GABRA3: variants seen among roughly 807,000 people sequenced by gnomAD.
GABRA3 encodes the protein gamma-aminobutyric acid type A receptor subunit alpha3, also known as gamma-aminobutyric acid receptor subunit alpha-3.
In GABRA3, 10 loss-of-function variants were observed where a neutral mutation model predicts 30.1. The ratio of observed to expected loss-of-function variants is 0.33; its 90% CI spans 0.20 to 0.56. The LOEUF is 0.56. GABRA3 is among the 20% of genes least tolerant of loss of function. The pLI, the probability that GABRA3 is intolerant of heterozygous loss-of-function variation, is 0.89. For synonymous variants in GABRA3, 151 were observed against 146.8 expected, an observed-to-expected ratio of 1.03 and a Z score of -0.21; for missense variants, 233 against 392.0, an observed-to-expected ratio of 0.59 and a Z score of 3.42.
intron 9 of GABRA3, among the ~76,000 whole-genome samples, chrX:152,188,342 A>T (rs1414467413): frequency 8.9e-6 from 1 of 111,752 alleles, no homozygotes; most frequent in Non-Finnish European, 1.9e-5. Context: ...CTAAACAATT[A>T]TAGGATTTAC....
At chrX:152,194,828 T>C (rs948969810) in intron 8 of GABRA3, among the ~76,000 whole-genome samples, 2 of 111,347 alleles carry the variant, frequency 1.8e-5, no homozygotes, top group East Asian at 5.7e-4. Flanking sequence ...GGCATGATCA[T>C]GGCTCATGGC....
At chrX:152,431,369 T>G (rs1473034488) in intron 1 of GABRA3, among the ~76,000 whole-genome samples, 1 of 112,477 alleles carries the variant, frequency 8.9e-6, no homozygotes, top group African/African-American at 3.2e-5. Flanking sequence ...CTGCATTTAC[T>G]GAGAAAACAT....
At chrX:152,215,988 C>G (rs774598074) in intron 6 of GABRA3, among the ~76,000 whole-genome samples, 1 of 110,367 alleles carries the variant, frequency 9.1e-6, no homozygotes, top group Non-Finnish European at 1.9e-5. Context: ...TAAAAAATGC[C>G]CAATATCGCT....
intron 4 of GABRA3, among the ~76,000 whole-genome samples, chrX:152,256,924 G>A (rs1938646298): frequency 9.0e-6 from 1 of 111,468 alleles, no homozygotes; most frequent in African/African-American, 3.3e-5. Flanking sequence ...CACCCTTACT[G>A]GCTCAAGGTG....
intron 1 of GABRA3, among the ~76,000 whole-genome samples, chrX:152,379,598 T>C (rs1317741134): frequency 9.0e-6 from 1 of 111,423 alleles, no homozygotes; most frequent in Non-Finnish European, 1.9e-5. Flanking sequence ...TAAAATATGA[T>C]GATAAATTTT....
At chrX:152,324,979 A>C (rs2124468785) in intron 3 of GABRA3, among the ~76,000 whole-genome samples, 1 of 111,932 alleles carries the variant, frequency 8.9e-6, no homozygotes, top group Admixed American at 9.5e-5. Context: ...GGTTACATTA[A>C]TGGAAGTGTG....
rs562539659 is a variant in GABRA3, at chrX:152,197,403, G to A, written c.931+230C>T. ...CCTCTCCAGCTTTTGGGGCAAGCAG[G>A]ACTGAAATGGGAAGCATTTCAGTAT... On this transcript the variant is annotated intron_variant, in intron 8 of 9. Transcript: ENST00000370314. 3.3e-4 allele frequency among the ~76,000 whole-genome samples: 37 copies of A among 111,313 alleles called. 1 individual carries two copies. The South Asian group carries it at 0.014, about 41-fold the overall frequency.
chrX:152,184,036 A>G (rs921547011), intron 9 of GABRA3, among the ~76,000 whole-genome samples: 11 of 107,109 alleles, frequency 1.0e-4, no homozygotes, highest in Non-Finnish European at 1.9e-4. Flanking sequence ...CCTTTAATTT[A>G]TTTTCCTACT....
chrX:152,318,006 AAAGAT>A (rs1013997390), intron 3 of GABRA3, among the ~76,000 whole-genome samples: 1 of 111,716 alleles, frequency 9.0e-6, no homozygotes, highest in African/African-American at 3.3e-5. Context: ...GAAACAATAA[AAAGAT>A]AAATGAAACA....
chrX:152,364,363 C>A, intron 2 of GABRA3, 68 bp downstream of exon 2: 1 of 1,063,614 alleles, frequency 9.4e-7, no homozygotes, highest in South Asian at 2.2e-5. Context: ...GGGAAAACAT[C>A]AGAAGTTTTG....
chrX:152,325,151 T>C (rs1940032666), intron 3 of GABRA3, among the ~76,000 whole-genome samples: 1 of 111,276 alleles, frequency 9.0e-6, no homozygotes, highest in Non-Finnish European at 1.9e-5. Context: ...GGATGACTTG[T>C]ATCCCAAGTG....
At chrX:152,304,692 C>T (rs757551616) in intron 3 of GABRA3, among the ~76,000 whole-genome samples, 1 of 112,189 alleles carries the variant, frequency 8.9e-6, no homozygotes, top group Admixed American at 9.5e-5. Flanking sequence ...GTTTTGGTTA[C>T]TGTGGCTTTC....
At chrX:152,198,070 C>A (rs1051178753) in intron 7 of GABRA3, among the ~76,000 whole-genome samples, 3 of 112,053 alleles carry the variant, frequency 2.7e-5, no homozygotes, top group African/African-American at 9.7e-5. Flanking sequence ...AAATAAAAAT[C>A]TCTTCTACAG....
At chrX:152,426,574 A>G (rs775330061) in intron 1 of GABRA3, among the ~76,000 whole-genome samples, 2 of 111,564 alleles carry the variant, frequency 1.8e-5, no homozygotes, top group Non-Finnish European at 3.8e-5. Context: ...TCTCACTTCT[A>G]AGAATTCCCT....
At chrX:152,374,311 C>A in intron 1 of GABRA3, among the ~76,000 whole-genome samples, 1 of 104,338 alleles carries the variant, frequency 9.6e-6, no homozygotes, top group Non-Finnish European at 1.9e-5. Context: ...AATTAGATAC[C>A]ATTCGTCAAT....
intron 3 of GABRA3, among the ~76,000 whole-genome samples, chrX:152,286,577 T>C (rs1939300873): frequency 9.0e-6 from 1 of 111,496 alleles, no homozygotes. Flanking sequence ...ACACATCTAC[T>C]CCATCTGTAC....
chrX:152,169,088 A>T (rs530850443), intron 9 of GABRA3, among the ~76,000 whole-genome samples: 147 of 112,388 alleles, frequency 1.3e-3, no homozygotes, highest in South Asian at 4.5e-3. Flanking sequence ...ATCTAGGGCT[A>T]CACTGTGCTG....
chrX:152,336,611 G>C (rs939482284), intron 3 of GABRA3, among the ~76,000 whole-genome samples: 8 of 111,707 alleles, frequency 7.2e-5, no homozygotes, highest in African/African-American at 2.6e-4. Context: ...TCAAAATTCA[G>C]TGAGACCAGA....
At chrX:152,250,126 C>G (rs1400767596) in intron 5 of GABRA3, among the ~76,000 whole-genome samples, 1 of 111,650 alleles carries the variant, frequency 9.0e-6, no homozygotes, top group Non-Finnish European at 1.9e-5. Flanking sequence ...ATTCAAGGGA[C>G]AAACTATGCA....
Sources: allele counts gnomAD v4.1 joint callset (sites outside exome capture counted in the v4.1 genomes callset), GRCh38; gene constraint gnomAD v4.1.1; transcripts MANE v1.5; gene names NCBI Gene and HGNC (gene_info 2026-07-23, HGNC 2026-07-21).